The following ZNF407 variants were observed in gnomAD, a reference collection of about 807,000 sequenced individuals.
ZNF407 encodes the protein zinc finger protein 407.
In ZNF407, 17 loss-of-function variants were observed where a neutral mutation model predicts 131.2. The ratio of observed to expected loss-of-function variants is 0.13; its 90% CI spans 0.09 to 0.19. The LOEUF is 0.19. Among genes scored for constraint, ZNF407 ranks in the 10% least tolerant of loss-of-function variants. ZNF407 has a pLI of 1.00. For missense variants in ZNF407, 2,681 were observed against 2,830.6 expected, an observed-to-expected ratio of 0.95 and a Z score of 1.20; for synonymous variants, 1,156 against 1,062.0, an observed-to-expected ratio of 1.09 and a Z score of -1.72.
At chr18:74,907,075 T>C (rs1317097100) in intron 7 of ZNF407, among the ~76,000 whole-genome samples, 1 of 152,218 alleles carries the variant, frequency 6.6e-6, no homozygotes, top group Non-Finnish European at 1.5e-5. Context: ...AAAGGACCCA[T>C]ACCTACATGT....
intron 3 of ZNF407, among the ~76,000 whole-genome samples, chr18:74,701,558 G>C (rs1041931152): frequency 6.6e-6 from 1 of 152,094 alleles, no homozygotes; most frequent in Non-Finnish European, 1.5e-5. Flanking sequence ...AGCTTCTCTT[G>C]CTTCCTTCTG....
chr18:74,966,680 T>C (rs968601762), intron 8 of ZNF407, among the ~76,000 whole-genome samples: 4 of 152,168 alleles, frequency 2.6e-5, no homozygotes, highest in Non-Finnish European at 4.4e-5. Flanking sequence ...TTTTAGGATT[T>C]TGTGTTTCTG....
chr18:74,654,617 G>C (rs1322994387), intron 3 of ZNF407, among the ~76,000 whole-genome samples: 1 of 151,676 alleles, frequency 6.6e-6, no homozygotes, highest in Non-Finnish European at 1.5e-5. Flanking sequence ...CTTAATGATA[G>C]AAAACTATAA....
chr18:74,707,909 T>C (rs1967665107), intron 3 of ZNF407, among the ~76,000 whole-genome samples: 1 of 152,212 alleles, frequency 6.6e-6, no homozygotes, highest in Admixed American at 6.5e-5. Context: ...TAATAGCAAG[T>C]AAAATGAATG....
Position 74,631,394 on chromosome 18 carries a change from A to T in ZNF407, c.375A>T (p.Thr125=). 6.2e-7 allele frequency: 1 copy of T among 1,613,990 alleles called. No individual in the cohort carries two copies. Among genetic ancestry groups the T allele is most frequent in the Non-Finnish European group, 8.5e-7 (1 of 1,179,880 alleles). ...TFLSDCTVGG[T]CLPNALSPSC... is the part of the protein sequence containing the mutation. Reference sequence around the variant, plus strand: ...TGAGTGACTGCACAGTTGGAGGCACATGTCTCCCAAATGCCCTCTCCCCTT... The same window carrying T: ...TGAGTGACTGCACAGTTGGAGGCACTTGTCTCCCAAATGCCCTCTCCCCTT... Residue 125 remains threonine, a synonymous_variant, in exon 2 of 9, where the codon ACA becomes ACT. Coordinates refer to ENST00000299687, the MANE Select transcript of ZNF407 (RefSeq NM_017757.3).
At chr18:74,629,880 A>G (rs936047141) in intron 1 of ZNF407, among the ~76,000 whole-genome samples, 1 of 152,210 alleles carries the variant, frequency 6.6e-6, no homozygotes, top group African/African-American at 2.4e-5. Flanking sequence ...TATTGATTTC[A>G]AGGCATTTTA....
chr18:74,830,309 G>A (rs1279371109), intron 4 of ZNF407, among the ~76,000 whole-genome samples: 1 of 152,094 alleles, frequency 6.6e-6, no homozygotes, highest in Non-Finnish European at 1.5e-5. Flanking sequence ...TTGAGACAAG[G>A]TCTTGCTCTG....
At chr18:74,627,886 C>CT (rs1215842069) in intron 1 of ZNF407, among the ~76,000 whole-genome samples, 1 of 102,884 alleles carries the variant, frequency 9.7e-6, no homozygotes, top group Non-Finnish European at 1.8e-5. Flanking sequence ...TCTTTCCTTT[C>CT]TTTTTCGAGA....
chr18:74,685,877 G>C lies in ZNF407; in HGVS notation c.4802+44755G>C, dbSNP rs554431403. Among the ~76,000 whole-genome samples the C allele has an allele frequency of 2.2e-4, 33 of 152,240 alleles. 1 individual carries two copies. The highest frequency in any genetic ancestry group is 7.5e-4 in the African/African-American group (31 of 41,540). On this transcript the variant is annotated intron_variant, in intron 3 of 8. Transcript: ENST00000299687. ...CATGGCATTGATTTTCTAATACACTGTGCCATTTAGTTATCTGTACTGTTT... is the reference window on the plus strand; with the variant it reads ...CATGGCATTGATTTTCTAATACACTCTGCCATTTAGTTATCTGTACTGTTT...
At chr18:74,817,061 C>T (rs900064201) in intron 4 of ZNF407, among the ~76,000 whole-genome samples, 1 of 152,084 alleles carries the variant, frequency 6.6e-6, no homozygotes, top group Non-Finnish European at 1.5e-5. Context: ...GAAATTTCAG[C>T]AAATATCTTG....
At chr18:75,024,683 C>G (rs1973151368) in intron 8 of ZNF407, among the ~76,000 whole-genome samples, 3 of 152,120 alleles carry the variant, frequency 2.0e-5, no homozygotes. Flanking sequence ...CAGATGTTTG[C>G]AAATCTTGGT....
At chr18:74,831,590 G>A (rs1456110831) in intron 4 of ZNF407, among the ~76,000 whole-genome samples, 2 of 152,188 alleles carry the variant, frequency 1.3e-5, no homozygotes, top group Non-Finnish European at 2.9e-5. Flanking sequence ...GAGAGTGGTA[G>A]TCTTTCCTTC....
At chr18:74,996,516 C>T (rs535819001) in intron 8 of ZNF407, among the ~76,000 whole-genome samples, 2 of 152,144 alleles carry the variant, frequency 1.3e-5, no homozygotes, top group South Asian at 2.1e-4. Flanking sequence ...GTTTAATAGT[C>T]GCAGATGCAC....
At chr18:74,733,363 AT>A (rs1968338181) in intron 3 of ZNF407, among the ~76,000 whole-genome samples, 1 of 152,112 alleles carries the variant, frequency 6.6e-6, no homozygotes, top group African/African-American at 2.4e-5. Flanking sequence ...GCTCAATATT[AT>A]TTTTAAATTT....
At position 74,633,338 on chromosome 18, in the gene ZNF407, A is replaced by G. The variant is rs534101670; in HGVS notation, c.2319A>G (p.Glu773=). 2 of 1,613,396 alleles carry G rather than the reference A, an allele frequency of 1.2e-6. No individual in the cohort carries two copies. Among genetic ancestry groups the G allele is most frequent in the Non-Finnish European group, 1.7e-6 (2 of 1,179,802 alleles). The change falls in exon 2 of 9, where the codon GAA becomes GAG. Residue 773 remains glutamate, a synonymous_variant. Coordinates refer to ENST00000299687, the MANE Select transcript of ZNF407 (RefSeq NM_017757.3). ...ATAATATTGGCTTAAGCTTTGAAGA[A>G]TGTATTGAAAGGGTATGTATAGGTG... is the stretch of plus-strand genomic sequence containing the variant. ...KKNNIGLSFE[E]CIERVCIGAN... is the part of the protein sequence containing the mutation.
At chr18:75,028,513 T>G (rs187487764) in intron 8 of ZNF407, among the ~76,000 whole-genome samples, 62 of 152,314 alleles carry the variant, frequency 4.1e-4, no homozygotes, top group African/African-American at 1.4e-3. Context: ...GTGTTAGGAC[T>G]TCAACACAGG....
At chr18:74,679,549 G>C (rs150765245) in intron 3 of ZNF407, among the ~76,000 whole-genome samples, 2 of 152,162 alleles carry the variant, frequency 1.3e-5, no homozygotes, top group Admixed American at 1.3e-4. Context: ...GACCACTGAG[G>C]TTTCTTTTAA....
chr18:74,777,237 T>C (rs959676870), intron 3 of ZNF407, among the ~76,000 whole-genome samples: 1 of 152,178 alleles, frequency 6.6e-6, no homozygotes, highest in African/African-American at 2.4e-5. Context: ...TTTTTTAAAC[T>C]GGAGTGTAGG....
intron 3 of ZNF407, among the ~76,000 whole-genome samples, chr18:74,685,526 T>G (rs1358788923): frequency 6.6e-6 from 1 of 152,212 alleles, no homozygotes; most frequent in African/African-American, 2.4e-5. Flanking sequence ...CTCAGCACAT[T>G]GTTGTACTGT....
Sources: gnomAD v4.1 joint callset for allele counts (sites outside exome capture counted in the v4.1 genomes callset) on GRCh38, gnomAD v4.1.1 for gene constraint, MANE v1.5 for transcripts, NCBI Gene and HGNC (gene_info 2026-07-23, HGNC 2026-07-21) for gene names.